ATRNL1: variants seen among roughly 807,000 people sequenced by gnomAD.
ATRNL1 encodes attractin like 1.
ATRNL1 carries 95 observed loss-of-function variants against 182.7 expected under a neutral mutation model. The ratio of observed to expected loss-of-function variants is 0.52; its 90% confidence interval spans 0.44 to 0.62. The LOEUF is 0.62. Among genes scored for constraint, ATRNL1 ranks in the 20% least tolerant of loss-of-function variants. ATRNL1 has a pLI of 0.00. For synonymous variants in ATRNL1, 576 were observed against 568.3 expected (o/e 1.01, Z -0.19); for missense variants, 1,471 against 1,679.5 (o/e 0.88, Z 2.17).
intron 20 of ATRNL1, among the ~76,000 whole-genome samples, chr10:115,408,682 T>C (rs1371180197): frequency 6.6e-6 from 1 of 152,176 alleles, no homozygotes; most frequent in African/African-American, 2.4e-5. Context: ...CGTTTTTTTC[T>C]AGTAGTTTTA....
intron 22 of ATRNL1, among the ~76,000 whole-genome samples, chr10:115,465,503 A>G (rs1290625051): frequency 6.6e-6 from 1 of 151,654 alleles, no homozygotes; most frequent in Non-Finnish European, 1.5e-5. Flanking sequence ...CTTATATCTT[A>G]AAAGAAATAG....
chr10:115,177,872 T>TG (rs1284831662), intron 8 of ATRNL1, among the ~76,000 whole-genome samples: 2 of 126,608 alleles, frequency 1.6e-5, no homozygotes, highest in Non-Finnish European at 3.4e-5. Flanking sequence ...AAGGGAGCTG[T>TG]GTTTTTTTTT....
intron 19 of ATRNL1, among the ~76,000 whole-genome samples, chr10:115,387,199 T>G (rs975120170): frequency 6.6e-6 from 1 of 152,092 alleles, no homozygotes; most frequent in Non-Finnish European, 1.5e-5. Flanking sequence ...AGTCTTAAGA[T>G]CAGATGAGTA....
At chr10:115,762,668 C>T (rs1948761621) in intron 27 of ATRNL1, among the ~76,000 whole-genome samples, 1 of 151,968 alleles carries the variant, frequency 6.6e-6, no homozygotes, top group South Asian at 2.1e-4. Context: ...TAGTATATAA[C>T]ATTATATAAA....
At chr10:115,448,424 T>A (rs1554967039) in intron 21 of ATRNL1, among the ~76,000 whole-genome samples, 1 of 152,116 alleles carries the variant, frequency 6.6e-6, no homozygotes, top group Non-Finnish European at 1.5e-5. Context: ...GGAATGACTT[T>A]TGGATAAATA....
rs111414971 is a variant in ATRNL1, at chr10:115,807,305, G to A, written c.3904-40572G>A. Reference sequence around the variant, plus strand: ...TAATTTTTGTAATTGTAGCAGAGACGGATCTTCATCATGTTGGCCAGGCTG... The same window carrying A: ...TAATTTTTGTAATTGTAGCAGAGACAGATCTTCATCATGTTGGCCAGGCTG... On this transcript the variant is annotated intron_variant, in intron 27 of 28. Coordinates refer to ENST00000355044, the MANE Select transcript of ATRNL1 (RefSeq NM_207303.4). Among the ~76,000 whole-genome samples, 932 of 152,022 alleles carry A rather than the reference G, an allele frequency of 6.1e-3. 8 individuals carry two copies. Among genetic ancestry groups the A allele is most frequent in the African/African-American group, 0.021 (878 of 41,488 alleles).
At chr10:115,106,070 C>T (rs1308855427) in intron 1 of ATRNL1, among the ~76,000 whole-genome samples, 3 of 152,188 alleles carry the variant, frequency 2.0e-5, no homozygotes, top group Non-Finnish European at 2.9e-5. Context: ...CCCATGAAAG[C>T]AGCCAGGATG....
chr10:115,459,937 G>C (rs1554969379), intron 21 of ATRNL1, among the ~76,000 whole-genome samples: 2 of 152,184 alleles, frequency 1.3e-5, no homozygotes. Context: ...AAGAACCTAA[G>C]TGATTATCGG....
intron 18 of ATRNL1, among the ~76,000 whole-genome samples, chr10:115,316,605 C>T (rs1854313450): frequency 6.6e-6 from 1 of 152,190 alleles, no homozygotes; most frequent in African/African-American, 2.4e-5. Flanking sequence ...AATCGCCATT[C>T]TGACTAGTGT....
intron 8 of ATRNL1, among the ~76,000 whole-genome samples, chr10:115,200,777 G>C (rs1309938184): frequency 3.5e-5 from 5 of 144,258 alleles, no homozygotes. Flanking sequence ...GGTATTTCTA[G>C]TTCTAGATCC....
intron 16 of ATRNL1, among the ~76,000 whole-genome samples, chr10:115,301,065 G>A (rs1370641704): frequency 6.6e-6 from 1 of 152,088 alleles, no homozygotes; most frequent in African/African-American, 2.4e-5. Flanking sequence ...TAGGATATAT[G>A]AGAATTTCCT....
chr10:115,273,249 G>A (rs985326574), intron 13 of ATRNL1, among the ~76,000 whole-genome samples: 6 of 152,200 alleles, frequency 3.9e-5, no homozygotes, highest in Admixed American at 2.6e-4. Context: ...CCATGAGCCC[G>A]TTGGGTAATG....
intron 25 of ATRNL1, among the ~76,000 whole-genome samples, chr10:115,525,122 G>C (rs1424219739): frequency 2.6e-5 from 4 of 152,152 alleles, no homozygotes; most frequent in African/African-American, 9.7e-5. Flanking sequence ...TCTGGGAACT[G>C]TGAAGAGAAA....
chr10:115,915,629 C>T (rs1432310733), intron 28 of ATRNL1, among the ~76,000 whole-genome samples: 1 of 152,054 alleles, frequency 6.6e-6, no homozygotes, highest in Non-Finnish European at 1.5e-5. Context: ...CTTAGCTGTG[C>T]ACTTTTAAAT....
chr10:115,387,636 G>C (rs1858439703), intron 19 of ATRNL1, among the ~76,000 whole-genome samples: 1 of 152,090 alleles, frequency 6.6e-6, no homozygotes, highest in Non-Finnish European at 1.5e-5. Flanking sequence ...TCTGCTTTCA[G>C]ACTTTATGGA....
intron 26 of ATRNL1, among the ~76,000 whole-genome samples, chr10:115,726,811 G>A (rs7894804): frequency 6.6e-6 from 1 of 151,504 alleles, no homozygotes; most frequent in Non-Finnish European, 1.5e-5. Context: ...TTCTATTAAT[G>A]CATTTTGACA....
intron 5 of ATRNL1, among the ~76,000 whole-genome samples, chr10:115,132,593 T>C (rs1275377301): frequency 2.0e-5 from 3 of 152,138 alleles, no homozygotes; most frequent in Non-Finnish European, 4.4e-5. Context: ...CCAGCACCTG[T>C]TGTTTCCTGA....
intron 28 of ATRNL1, among the ~76,000 whole-genome samples, chr10:115,905,011 G>A (rs1479890827): frequency 6.6e-6 from 1 of 152,092 alleles, no homozygotes; most frequent in African/African-American, 2.4e-5. Context: ...TCCCTTCAGT[G>A]CTTCATAAAT....
At chr10:115,896,878 C>A (rs377461253) in intron 28 of ATRNL1, among the ~76,000 whole-genome samples, 2 of 151,848 alleles carry the variant, frequency 1.3e-5, no homozygotes. Context: ...TACATAAGAT[C>A]GAAATATGAG....
Sources: gnomAD v4.1 joint callset for allele counts (sites outside exome capture counted in the v4.1 genomes callset) on GRCh38, gnomAD v4.1.1 for gene constraint, MANE v1.5 for transcripts, NCBI Gene and HGNC (gene_info 2026-07-23, HGNC 2026-07-21) for gene names.